Variants in DHRSX observed in about 807,000 individuals in gnomAD.
DHRSX encodes dehydrogenase/reductase X-linked, also known as polyprenol dehydrogenase.
In DHRSX, 31 loss-of-function variants were observed where a neutral mutation model predicts 34.0. The ratio of observed to expected loss-of-function variants is 0.91; its 90% CI spans 0.69 to 1.23. The LOEUF (loss-of-function observed/expected upper bound fraction) is 1.23, where lower values mean the gene tolerates loss of function less well. Among genes scored for constraint, DHRSX ranks in the 50% most tolerant of loss-of-function variants. The pLI, the probability that DHRSX is intolerant of heterozygous loss-of-function variation, is 0.00. For missense variants in DHRSX, 414 were observed against 428.1 expected, an observed-to-expected ratio of 0.97 and a Z score of 0.29; for synonymous variants, 201 against 183.8, an observed-to-expected ratio of 1.09 and a Z score of -0.76.
intron 3 of DHRSX, among the ~76,000 whole-genome samples, chrX:2,402,883 C>CTTTTT (rs758977585): frequency 3.1e-4 from 37 of 117,732 alleles, no homozygotes; most frequent in Non-Finnish European, 3.7e-4. Context: ...TAATTGGTTT[C>CTTTTT]TTTTTTTTTT....
chrX:2,372,678 G>A lies in DHRSX; in HGVS notation c.286+36067C>T, dbSNP rs909645958. On this transcript the variant is annotated intron_variant, in intron 3 of 6. Coordinates refer to ENST00000334651, the MANE Select transcript of DHRSX (RefSeq NM_145177.3). Reference sequence around the variant, plus strand: ...GGCTGGAGTGCAATGGCGCAACCTCGGCTCACTGCAACCTCCGCCTCCCGG... The same window carrying A: ...GGCTGGAGTGCAATGGCGCAACCTCAGCTCACTGCAACCTCCGCCTCCCGG... 5.3e-5 allele frequency among the ~76,000 whole-genome samples: 8 copies of A among 151,052 alleles called. No individual in the cohort carries two copies. The East Asian group carries it at 1.2e-3, about 22-fold the overall frequency.
intron 3 of DHRSX, among the ~76,000 whole-genome samples, chrX:2,333,229 G>A (rs73189631): frequency 6.6e-5 from 10 of 151,872 alleles, no homozygotes; most frequent in Non-Finnish European, 8.8e-5. Context: ...TTTTTTGAAC[G>A]TTTTTGAGTC....
chrX:2,460,564 G>T (rs1294918302), intron 1 of DHRSX, among the ~76,000 whole-genome samples: 3 of 144,922 alleles, frequency 2.1e-5, no homozygotes, highest in African/African-American at 7.7e-5. Context: ...GACCACACAC[G>T]TGTGCCACCA....
At chrX:2,449,887 C>T (rs1251216406) in intron 1 of DHRSX, among the ~76,000 whole-genome samples, 3 of 152,120 alleles carry the variant, frequency 2.0e-5, no homozygotes, top group Non-Finnish European at 4.4e-5. Context: ...AGCGATCCAC[C>T]GGCCTAAAGT....
At chrX:2,336,857 A>ATAGG (rs1273308667) in intron 3 of DHRSX, among the ~76,000 whole-genome samples, 2 of 151,946 alleles carry the variant, frequency 1.3e-5, no homozygotes, top group East Asian at 3.8e-4. Flanking sequence ...ATATAGATAG[A>ATAGG]TAGATTTATT....
chrX:2,429,354 C>T (rs2043888742), intron 1 of DHRSX, among the ~76,000 whole-genome samples: 1 of 152,000 alleles, frequency 6.6e-6, no homozygotes, highest in South Asian at 2.1e-4. Flanking sequence ...ACATATTTCT[C>T]AGCCCCAATG....
chrX:2,276,959 A>G (rs866004740), intron 4 of DHRSX, among the ~76,000 whole-genome samples: 3 of 10,212 alleles, frequency 2.9e-4, no homozygotes, highest in East Asian at 1.7e-3. Context: ...AGGGAGAGAG[A>G]AGGAAGAGGA....
At chrX:2,341,643 G>A (rs1464178789) in intron 3 of DHRSX, among the ~76,000 whole-genome samples, 1 of 121,454 alleles carries the variant, frequency 8.2e-6, no homozygotes, top group Non-Finnish European at 1.7e-5. Context: ...GATTCAAGGT[G>A]AACTTGTCTT....
intron 1 of DHRSX, among the ~76,000 whole-genome samples, chrX:2,476,833 T>A (rs1416485740): frequency 6.6e-6 from 1 of 151,954 alleles, no homozygotes; most frequent in Non-Finnish European, 1.5e-5. Flanking sequence ...GAAAAACCCG[T>A]CTCTACTAAA....
intron 3 of DHRSX, among the ~76,000 whole-genome samples, chrX:2,316,033 T>C (rs1476300431): frequency 1.3e-5 from 2 of 152,136 alleles, no homozygotes; most frequent in East Asian, 3.9e-4. Flanking sequence ...AGCTAATTTT[T>C]GTCTTTTTAG....
intron 6 of DHRSX, among the ~76,000 whole-genome samples, chrX:2,221,638 C>CA (rs1276650328): frequency 6.6e-6 from 1 of 152,108 alleles, no homozygotes; most frequent in Non-Finnish European, 1.5e-5. Context: ...ATCAGGACAT[C>CA]AAAAAGATTC....
At chrX:2,371,318 C>CTT (rs2043059808) in intron 3 of DHRSX, among the ~76,000 whole-genome samples, 9 of 141,272 alleles carry the variant, frequency 6.4e-5, no homozygotes, top group Non-Finnish European at 9.6e-5. Flanking sequence ...AGACCCTCCT[C>CTT]CCGTTACTAT....
intron 5 of DHRSX, among the ~76,000 whole-genome samples, chrX:2,263,537 G>A (rs908967684): frequency 3.4e-5 from 5 of 146,666 alleles, no homozygotes; most frequent in African/African-American, 1.3e-4. Flanking sequence ...TTTTGAGACG[G>A]AATTTTGCTG....
chrX:2,301,332 T>A (rs1333598920), intron 3 of DHRSX, among the ~76,000 whole-genome samples: 2 of 152,164 alleles, frequency 1.3e-5, no homozygotes, highest in Non-Finnish European at 2.9e-5. Flanking sequence ...GGGAATCGCT[T>A]GAACCTGGGA....
chrX:2,231,894 CCTCT>C (rs1383658041), intron 6 of DHRSX, among the ~76,000 whole-genome samples: 1 of 149,976 alleles, frequency 6.7e-6, no homozygotes, highest in African/African-American at 2.5e-5. Flanking sequence ...TCCTCCTCCT[CCTCT>C]TTCTCTTATC....
chrX:2,380,054 C>T (rs1208004456), intron 3 of DHRSX, among the ~76,000 whole-genome samples: 7 of 152,008 alleles, frequency 4.6e-5, no homozygotes, highest in African/African-American at 7.2e-5. Flanking sequence ...CCCAGCACTT[C>T]GGGAGGCCGA....
chrX:2,437,696 A>T (rs1328235808), intron 1 of DHRSX, among the ~76,000 whole-genome samples: 2,145 of 92,152 alleles, frequency 0.023, 37 homozygotes, highest in African/African-American at 0.081. Context: ...AGAGAGAGAG[A>T]GAGTGTGTGT....
intron 3 of DHRSX, among the ~76,000 whole-genome samples, chrX:2,303,896 G>A (rs1207931369): frequency 8.4e-6 from 1 of 119,044 alleles, no homozygotes; most frequent in East Asian, 2.4e-4. Flanking sequence ...TGGATGGATG[G>A]ATAAATGGAT....
chrX:2,380,408 TGA>T (rs1248479134), intron 3 of DHRSX, among the ~76,000 whole-genome samples: 2 of 146,046 alleles, frequency 1.4e-5, no homozygotes, highest in East Asian at 4.0e-4. Context: ...TAGAAACATA[TGA>T]TAAGGAAGCA....
Sources: gnomAD v4.1 joint callset for allele counts (sites outside exome capture counted in the v4.1 genomes callset) on GRCh38, gnomAD v4.1.1 for gene constraint, MANE v1.5 for transcripts, NCBI Gene and HGNC (gene_info 2026-07-23, HGNC 2026-07-21) for gene names.